Variants in FBXO45 observed in about 807,000 individuals in gnomAD.
The protein encoded by FBXO45 is F-box/SPRY domain-containing protein 1.
In FBXO45, 3 loss-of-function variants were observed where a neutral mutation model predicts 25.5. The ratio of observed to expected loss-of-function variants is 0.12; its 90% CI spans 0.05 to 0.30. The LOEUF is 0.30. Among genes scored for constraint, FBXO45 ranks in the 10% least tolerant of loss-of-function variants. The pLI is 1.00. For missense variants in FBXO45, 219 were observed against 365.0 expected (o/e 0.60, Z 3.26); for synonymous variants, 155 against 149.8 (o/e 1.03, Z -0.25).
At chr3:196,574,531 G>A (rs890393137) in intron 1 of FBXO45, among the ~76,000 whole-genome samples, 4 of 152,120 alleles carry the variant, frequency 2.6e-5, no homozygotes, top group South Asian at 4.1e-4. Flanking sequence ...TATTTGTTGA[G>A]GAAACAAGGT....
chr3:196,578,210 T>C (rs1007697353), intron 2 of FBXO45, among the ~76,000 whole-genome samples: 7 of 151,932 alleles, frequency 4.6e-5, no homozygotes, highest in Non-Finnish European at 8.8e-5. Context: ...CTAATTTTTG[T>C]ATTTTTAGTA....
intron 1 of FBXO45, among the ~76,000 whole-genome samples, chr3:196,574,872 T>G (rs1344565871): frequency 6.6e-6 from 1 of 152,062 alleles, no homozygotes; most frequent in Admixed American, 6.6e-5. Context: ...AAGAAGAACA[T>G]CATCAAGGTA....
chr3:196,583,989 C>T lies in FBXO45; in HGVS notation c.676-144C>T, dbSNP rs1736061561. On this transcript the variant is annotated intron_variant, in intron 2 of 2. Coordinates refer to ENST00000311630, the MANE Select transcript of FBXO45 (RefSeq NM_001105573.2). ...GTCCTTTTTTTATAGATGTTTCTTC[C>T]TGACTAGAAAGCTTCCCTTCTGATT... The T allele has an allele frequency of 5.3e-6, 4 of 752,640 alleles. No homozygotes were observed. In the South Asian group the frequency reaches 7.5e-5, roughly 14 times the overall value. The allele number at this position is 752,640 out of a possible 1,614,324, so 46.6% of individuals were successfully genotyped here. A position where few individuals can be genotyped will look rare whatever the true frequency, so the allele number is the denominator to read the frequency against.
At chr3:196,577,216 G>A (rs1463203206) in intron 1 of FBXO45, among the ~76,000 whole-genome samples, 1 of 152,014 alleles carries the variant, frequency 6.6e-6, no homozygotes, top group Admixed American at 6.6e-5. Context: ...GTCTGTTTGA[G>A]GAAATACTAC....
In FBXO45 at chr3:196,568,995, C is replaced by A; in HGVS notation, c.11C>A (p.Pro4Gln). 3.0e-6 allele frequency: 3 copies of A among 991,428 alleles called. No homozygotes were observed. The highest frequency in any genetic ancestry group is 1.1e-4 in the East Asian group (1 of 9,096). 61.4% of individuals were successfully genotyped at this position (991,428 alleles called of 1,614,324 possible). MAA[P>Q]APGAGAASGG... ...CCGGCTGGTGAGGCGATGGCGGCGC[C>A]GGCCCCGGGGGCTGGGGCAGCCTCG... is the stretch of plus-strand genomic sequence containing the variant. Residue 4 changes from proline (P) to glutamine (Q), a missense_variant, in exon 1 of 3, where the codon CCG (proline) becomes CAG (glutamine). By Grantham distance (76) the Pro-to-Gln change is moderately conservative. This residue lies in a region of FBXO45 where 138 missense variants were observed against 157.3 expected (regional missense o/e 0.88). Coordinates refer to ENST00000311630, the MANE Select transcript of FBXO45 (RefSeq NM_001105573.2).
rs1472668271 is a variant in FBXO45, at chr3:196,586,675, C to T, written c.*2357C>T. The T allele has an allele frequency of 1.3e-5, 2 of 152,174 alleles. No individual in the cohort carries two copies. The allele number at this position is 152,174 out of a possible 1,614,324, so 9.4% of individuals were successfully genotyped here. A position where few individuals can be genotyped will look rare whatever the true frequency, so the allele number is the denominator to read the frequency against. On this transcript the variant is annotated 3_prime_UTR_variant, in exon 3 of 3. Coordinates refer to ENST00000311630, the MANE Select transcript of FBXO45 (RefSeq NM_001105573.2). ...TTGCGCCTGAAGATTGAGTGTAAAT[C>T]ATTCAAACCAGTGGTTCTCAGTGTT... is the stretch of plus-strand genomic sequence containing the variant.
intron 2 of FBXO45, among the ~76,000 whole-genome samples, chr3:196,580,728 T>C (rs1227852777): frequency 6.6e-6 from 1 of 152,234 alleles, no homozygotes; most frequent in Non-Finnish European, 1.5e-5. Context: ...TTCTTGTTTT[T>C]TCCCCCAACC....
rs1326708252 is a variant in FBXO45 at position 196,588,327 on chromosome 3, T to G, written c.*4009T>G. ...CCACCCACCTCGCCTCCCAAAGTGC[T>G]GGGGTTACAGGCGCGAGCCACCGTG... On this transcript the variant is annotated 3_prime_UTR_variant, in exon 3 of 3. Coordinates refer to ENST00000311630, the MANE Select transcript of FBXO45 (RefSeq NM_001105573.2). The surrounding 1 kb of genome is among the most constrained non-coding windows in gnomAD (Gnocchi z 4.2). The G allele has an allele frequency of 6.6e-6, 1 of 152,286 alleles. No homozygotes were observed. The highest frequency in any genetic ancestry group is 1.5e-5 in the Non-Finnish European group (1 of 68,112). 9.4% of individuals were successfully genotyped at this position (152,286 alleles called of 1,614,324 possible). A position where few individuals can be genotyped will look rare whatever the true frequency, so the allele number is the denominator to read the frequency against.
rs1178020363 is a variant in FBXO45, at chr3:196,587,076, T to C, written c.*2758T>C. 1 of 152,214 alleles carries C rather than the reference T, an allele frequency of 6.6e-6. No individual in the cohort carries two copies. Among genetic ancestry groups the C allele is most frequent in the African/African-American group, 2.4e-5 (1 of 41,458 alleles). 9.4% of individuals were successfully genotyped at this position (152,214 alleles called of 1,614,324 possible). A position where few individuals can be genotyped will look rare whatever the true frequency, so the allele number is the denominator to read the frequency against. Reference sequence around the variant, plus strand: ...GAAAGTGTAACTGAGTATACTTTGTTGACTTGGGAAACCTGGAGCACTTTC... The same window carrying C: ...GAAAGTGTAACTGAGTATACTTTGTCGACTTGGGAAACCTGGAGCACTTTC... On this transcript the variant is annotated 3_prime_UTR_variant, in exon 3 of 3. Coordinates refer to ENST00000311630, the MANE Select transcript of FBXO45 (RefSeq NM_001105573.2).
intron 1 of FBXO45, among the ~76,000 whole-genome samples, chr3:196,577,143 G>T (rs1255603217): frequency 1.3e-5 from 2 of 152,022 alleles, no homozygotes; most frequent in Non-Finnish European, 2.9e-5. Context: ...ATCCATAAAC[G>T]TTTCAGTATT....
intron 2 of FBXO45, among the ~76,000 whole-genome samples, chr3:196,581,745 A>AT (rs1314329071): frequency 2.0e-5 from 3 of 151,746 alleles, no homozygotes; most frequent in Non-Finnish European, 4.4e-5. Context: ...ATATCTAGTA[A>AT]TTTTTTTAAC....
chr3:196,570,781 A>G (rs1416372289), intron 1 of FBXO45, among the ~76,000 whole-genome samples: 11 of 138,990 alleles, frequency 7.9e-5, no homozygotes, highest in Non-Finnish European at 1.2e-4. Flanking sequence ...GCGGGATCTC[A>G]GCTCACTGCA....
chr3:196,571,576 A>G (rs1323055265), intron 1 of FBXO45, among the ~76,000 whole-genome samples: 2 of 152,236 alleles, frequency 1.3e-5, no homozygotes, highest in East Asian at 1.9e-4. Flanking sequence ...AAATGTTCAC[A>G]TGATTCAAGA....
At position 196,577,543 on chromosome 3, in the gene FBXO45, A is replaced by G. The variant is rs1374395558; in HGVS notation, c.409A>G (p.Ile137Val). Residue 137 changes from isoleucine (I) to valine (V), a missense_variant, in exon 2 of 3, where the codon ATT (isoleucine) becomes GTT (valine). Transcript: ENST00000311630. ...TGGCTTTACTTTACATCGAAACCCC[A>G]TTGCTCAGAGCACTGATGGTGCAAG... ...KNGFTLHRNPIAQSTDGARTK... is the reference protein window; with the variant it reads ...KNGFTLHRNPVAQSTDGARTK... 6.2e-7 allele frequency: 1 copy of G among 1,614,000 alleles called. No individual in the cohort carries two copies. The highest frequency in any genetic ancestry group is 1.1e-5 in the South Asian group (1 of 91,084).
At position 196,584,360 on chromosome 3, in the gene FBXO45, C is replaced by T. The variant is rs763890011; in HGVS notation, c.*42C>T. The T allele has an allele frequency of 6.5e-7, 1 of 1,539,488 alleles. No homozygotes were observed. The highest frequency in any genetic ancestry group is 8.8e-7 in the Non-Finnish European group (1 of 1,140,402). On this transcript the variant is annotated 3_prime_UTR_variant, in exon 3 of 3. Transcript: ENST00000311630. This position sits in a 1 kb window ranked among gnomAD's most constrained non-coding sequence, Gnocchi z 4.3. ...ATGACAGACAGAATGGAGGAGAGAT[C>T]TGCTTATGGGAAGTAGAACCATGAA...
Position 196,589,037 on chromosome 3 carries a change from C to CT in FBXO45, c.*4721dup, listed in dbSNP as rs1736189157. 1 of 152,034 alleles carries CT rather than the reference C, an allele frequency of 6.6e-6. No homozygotes were observed. Among genetic ancestry groups the CT allele is most frequent in the South Asian group, 2.1e-4 (1 of 4,822 alleles). 9.4% of individuals were successfully genotyped at this position (152,034 alleles called of 1,614,324 possible). ...GAATTCTGTTGTTTTGCCTTAGTTT[C>CT]TTAATAAAAAGTTAAACATTAACCA... On this transcript the variant is annotated 3_prime_UTR_variant, in exon 3 of 3. Transcript: ENST00000311630.
chr3:196,584,810 C>T lies in FBXO45; in HGVS notation c.*492C>T, dbSNP rs1736077140. On this transcript the variant is annotated 3_prime_UTR_variant, in exon 3 of 3. Coordinates refer to ENST00000311630, the MANE Select transcript of FBXO45 (RefSeq NM_001105573.2). The surrounding 1 kb of genome is among the most constrained non-coding windows in gnomAD (Gnocchi z 4.3). ...TGAGAAGCATGGTCTGCCTGGACTG[C>T]ACTTCTCTAAAAGTGAGATATAAAA... The T allele has an allele frequency of 6.6e-6, 1 of 151,678 alleles. No homozygotes were observed. Among genetic ancestry groups the T allele is most frequent in the Non-Finnish European group, 1.5e-5 (1 of 67,996 alleles). The allele number at this position is 151,678 out of a possible 1,614,324, so 9.4% of individuals were successfully genotyped here. A position where few individuals can be genotyped will look rare whatever the true frequency, so the allele number is the denominator to read the frequency against.
At chr3:196,571,654 T>C (rs975275936) in intron 1 of FBXO45, among the ~76,000 whole-genome samples, 1 of 152,356 alleles carries the variant, frequency 6.6e-6, no homozygotes, top group African/African-American at 2.4e-5. Flanking sequence ...CAAAATGATA[T>C]CAAGCAAAAT....
In FBXO45 at chr3:196,569,061, C is replaced by G; in HGVS notation, c.77C>G (p.Ala26Gly). Reference sequence around the variant, plus strand: ...AGCGGCGGCGGCGCGGGCGCGGGCGCGGGCTCGGGCTCTGGGGCCGCGGGG... The same window carrying G: ...AGCGGCGGCGGCGCGGGCGCGGGCGGGGGCTCGGGCTCTGGGGCCGCGGGG... ...GCSGGGAGAG[A>G]GSGSGAAGAG... Residue 26 changes from alanine (A) to glycine (G), a missense_variant, in exon 1 of 3, where the codon GCG becomes GGG. This residue lies in a region of FBXO45 where 138 missense variants were observed against 157.3 expected (regional missense o/e 0.88). Transcript: ENST00000311630. This position sits in a 1 kb window ranked among gnomAD's most constrained non-coding sequence, Gnocchi z 4.1. The G allele has an allele frequency of 8.4e-7, 1 of 1,194,468 alleles. No homozygotes were observed. Among genetic ancestry groups the G allele is most frequent in the Non-Finnish European group, 1.0e-6 (1 of 958,482 alleles). The allele number at this position is 1,194,468 out of a possible 1,614,324, so 74.0% of individuals were successfully genotyped here.
Sources: gnomAD v4.1 joint callset for allele counts (sites outside exome capture counted in the v4.1 genomes callset) on GRCh38, gnomAD v4.1.1 for gene constraint, gnomAD v4.1.1 regional missense constraint, Gnocchi (gnomAD v3.1) non-coding constraint, MANE v1.5 for transcripts, NCBI Gene and HGNC (gene_info 2026-07-23, HGNC 2026-07-21) for gene names.